SLC4A10: variants seen among roughly 807,000 people sequenced by gnomAD.
The protein encoded by SLC4A10 is solute carrier family 4 member 10.
A neutral mutation model predicts 137.7 loss-of-function variants in SLC4A10; 42 were observed. The observed-to-expected ratio is 0.30, with a 90% CI of 0.24 to 0.39. The LOEUF is 0.39. Ranked by LOEUF, SLC4A10 falls within the 10% of genes least tolerant of loss-of-function variation. The probability of loss-of-function intolerance (pLI) is 1.00; values close to 1 mark genes in which losing one functional copy is unlikely to be tolerated. For missense variants in SLC4A10, 925 were observed against 1,355.0 expected (o/e 0.68, Z 4.98); for synonymous variants, 474 against 464.1 (o/e 1.02, Z -0.27).
intron 15 of SLC4A10, among the ~76,000 whole-genome samples, chr2:161,920,975 T>A (rs1688028636): frequency 6.6e-6 from 1 of 152,374 alleles, no homozygotes; most frequent in East Asian, 1.9e-4. Context: ...TTGGACATGA[T>A]ATCCACTCAA....
chr2:161,944,111 C>T (rs1370933587), intron 16 of SLC4A10, among the ~76,000 whole-genome samples: 1 of 151,442 alleles, frequency 6.6e-6, no homozygotes, highest in Admixed American at 6.6e-5. Flanking sequence ...CCTATTTTTC[C>T]CTAGAAAAAT....
At chr2:161,706,068 G>C (rs1161930713) in intron 1 of SLC4A10, among the ~76,000 whole-genome samples, 1 of 151,380 alleles carries the variant, frequency 6.6e-6, no homozygotes, top group Non-Finnish European at 1.5e-5. Context: ...TTACTATTAA[G>C]AGGGTCAAGT....
At chr2:161,702,022 A>G (rs928552620) in intron 1 of SLC4A10, among the ~76,000 whole-genome samples, 3 of 151,954 alleles carry the variant, frequency 2.0e-5, no homozygotes, top group African/African-American at 7.2e-5. Context: ...TAAAAATAGA[A>G]CTACCATATG....
intron 4 of SLC4A10, among the ~76,000 whole-genome samples, chr2:161,847,402 G>C (rs1251955641): frequency 6.6e-6 from 1 of 151,754 alleles, no homozygotes; most frequent in Non-Finnish European, 1.5e-5. Context: ...TGTTTCATGG[G>C]TAAATTGTGT....
intron 1 of SLC4A10, among the ~76,000 whole-genome samples, chr2:161,638,234 A>G (rs2034739457): frequency 6.6e-6 from 1 of 151,972 alleles, no homozygotes; most frequent in Admixed American, 6.6e-5. Context: ...TTTCCTCTAC[A>G]TGTTTTCTTC....
chr2:161,799,459 A>T (rs62190672), intron 2 of SLC4A10, among the ~76,000 whole-genome samples: 10,080 of 151,874 alleles, frequency 0.066, 441 homozygotes, highest in East Asian at 0.15. Flanking sequence ...ACCTGAGGGG[A>T]TTCTCTAGTT....
At chr2:161,667,449 A>C (rs753562396) in intron 1 of SLC4A10, among the ~76,000 whole-genome samples, 2 of 151,662 alleles carry the variant, frequency 1.3e-5, no homozygotes, top group African/African-American at 4.8e-5. Context: ...AGGTTATCAG[A>C]TACAAACACT....
intron 1 of SLC4A10, among the ~76,000 whole-genome samples, chr2:161,740,739 C>G (rs902975370): frequency 3.3e-5 from 5 of 152,150 alleles, no homozygotes; most frequent in South Asian, 4.2e-4. Context: ...TTAGCATCTC[C>G]AATTAATATA....
chr2:161,773,583 A>G (rs1282579883), intron 2 of SLC4A10, among the ~76,000 whole-genome samples: 1 of 151,882 alleles, frequency 6.6e-6, no homozygotes, highest in East Asian at 1.9e-4. Flanking sequence ...TTATGTGTAT[A>G]TATTTATTTA....
At chr2:161,930,285 T>C (rs1488863572) in intron 15 of SLC4A10, among the ~76,000 whole-genome samples, 1 of 152,178 alleles carries the variant, frequency 6.6e-6, no homozygotes, top group Non-Finnish European at 1.5e-5. Flanking sequence ...CTTTAGTTTC[T>C]TCATTTTCTT....
At chr2:161,851,237 G>T (rs1456134362) in intron 4 of SLC4A10, among the ~76,000 whole-genome samples, 1 of 152,116 alleles carries the variant, frequency 6.6e-6, no homozygotes, top group Non-Finnish European at 1.5e-5. Flanking sequence ...ATTTGGTCAA[G>T]TGTTAAGTTT....
At chr2:161,915,672 A>C (rs1271431091) in intron 15 of SLC4A10, among the ~76,000 whole-genome samples, 1 of 152,180 alleles carries the variant, frequency 6.6e-6, no homozygotes. Context: ...TGCAGGCTCT[A>C]AAGCAACCAG....
chr2:161,707,720 G>T (rs1236237617), intron 1 of SLC4A10, among the ~76,000 whole-genome samples: 1 of 151,394 alleles, frequency 6.6e-6, no homozygotes, highest in East Asian at 1.9e-4. Flanking sequence ...ACTTAACCGT[G>T]CAGTTTTAGC....
rs540575483 is a variant in SLC4A10 at position 161,804,308 on chromosome 2, C to T, written c.131-141C>T. On this transcript the variant is annotated intron_variant, in intron 2 of 26. Coordinates refer to ENST00000446997, the MANE Select transcript of SLC4A10 (RefSeq NM_001178015.2). ...GGTAAAATGCCAAAAGACAGTGCCA[C>T]GCTCCAAGCTTTATGTATCATAAAC... The T allele has an allele frequency of 1.2e-4, 97 of 832,162 alleles. No individual in the cohort carries two copies. In the Admixed American group the frequency reaches 2.2e-3, roughly 19 times the overall value. 51.5% of individuals were successfully genotyped at this position (832,162 alleles called of 1,614,324 possible).
intron 10 of SLC4A10, among the ~76,000 whole-genome samples, chr2:161,889,165 G>T (rs1304453062): frequency 6.6e-6 from 1 of 152,182 alleles, no homozygotes; most frequent in Non-Finnish European, 1.5e-5. Flanking sequence ...GCTTTTTGAT[G>T]TGCTGCTGGA....
At chr2:161,630,965 A>C (rs2033436155) in intron 1 of SLC4A10, among the ~76,000 whole-genome samples, 1 of 151,800 alleles carries the variant, frequency 6.6e-6, no homozygotes, top group South Asian at 2.1e-4. Context: ...CCCATTATAA[A>C]ACGAGCTTTC....
At chr2:161,670,892 C>T (rs1352255909) in intron 1 of SLC4A10, among the ~76,000 whole-genome samples, 1 of 152,052 alleles carries the variant, frequency 6.6e-6, no homozygotes, top group Non-Finnish European at 1.5e-5. Context: ...GATATCGCTT[C>T]CTTCTCTAAG....
intron 1 of SLC4A10, among the ~76,000 whole-genome samples, chr2:161,639,817 T>C (rs1393359289): frequency 6.6e-6 from 1 of 152,096 alleles, no homozygotes; most frequent in East Asian, 1.9e-4. Flanking sequence ...AAATTGGAAA[T>C]GAGAAGTCAA....
At chr2:161,935,048 TAATCC>T (rs1271191667) in intron 15 of SLC4A10, among the ~76,000 whole-genome samples, 1 of 152,176 alleles carries the variant, frequency 6.6e-6, no homozygotes, top group Admixed American at 6.6e-5. Context: ...TTTAGGTATT[TAATCC>T]TTTTTTAAAT....
Sources: gnomAD v4.1 joint callset for allele counts (sites outside exome capture counted in the v4.1 genomes callset) on GRCh38, gnomAD v4.1.1 for gene constraint, MANE v1.5 for transcripts, NCBI Gene and HGNC (gene_info 2026-07-23, HGNC 2026-07-21) for gene names.